The following SENP5 variants were observed in gnomAD, a reference collection of about 807,000 sequenced individuals.
SENP5 encodes SUMO specific peptidase 5.
Under a neutral mutation model 74.2 loss-of-function variants are expected in SENP5, and 21 were observed. The ratio of observed to expected loss-of-function variants is 0.28; its 90% CI spans 0.20 to 0.41. The LOEUF (loss-of-function observed/expected upper bound fraction) is 0.41, where lower values mean the gene tolerates loss of function less well. SENP5 is among the 10% of genes least tolerant of loss of function. The probability of loss-of-function intolerance (pLI) is 1.00; values close to 1 mark genes in which losing one functional copy is unlikely to be tolerated. For missense variants in SENP5, 717 were observed against 889.1 expected (o/e 0.81, Z 2.46); for synonymous variants, 311 against 312.7 (o/e 0.99, Z 0.06).
intron 2 of SENP5, among the ~76,000 whole-genome samples, chr3:196,895,957 T>G (rs2108830719): frequency 6.6e-6 from 1 of 152,366 alleles, no homozygotes; most frequent in East Asian, 1.9e-4. Context: ...CTTTGTTTCT[T>G]GGGTCACTTT....
intron 7 of SENP5, among the ~76,000 whole-genome samples, chr3:196,927,018 C>T (rs1004204714): frequency 1.3e-5 from 2 of 152,058 alleles, no homozygotes; most frequent in Non-Finnish European, 2.9e-5. Flanking sequence ...TGGAGAGAGA[C>T]GCACAGAGGT....
At position 196,927,846 on chromosome 3, in the gene SENP5, A is replaced by C. The variant is rs373914714; in HGVS notation, c.2073A>C (p.Glu691Asp). The change falls in exon 8 of 10, where the codon GAA (glutamate) becomes GAC (aspartate). Residue 691 changes from glutamate (E) to aspartate (D), a missense_variant. By Grantham distance (45) the Glu-to-Asp change is conservative. This residue lies in a region of SENP5 where 85 missense variants were observed against 188.9 expected (regional missense o/e 0.45). Coordinates refer to ENST00000323460, the MANE Select transcript of SENP5 (RefSeq NM_152699.5). ...AAGCCAGAGAAAAAAATAGACCTGA[A>C]TTTCTTCAGGGTTGGCAGACTGCTG... is the stretch of plus-strand genomic sequence containing the variant. Reference protein sequence around the residue: ...LTEAREKNRPEFLQGWQTAVT... With the variant: ...LTEAREKNRPDFLQGWQTAVT... The C allele has an allele frequency of 1.9e-6, 3 of 1,613,060 alleles. No homozygotes were observed. The highest frequency in any genetic ancestry group is 1.7e-4 in the Middle Eastern group (1 of 6,058).
intron 5 of SENP5, among the ~76,000 whole-genome samples, chr3:196,901,239 C>T (rs1252478365): frequency 6.6e-6 from 1 of 151,042 alleles, no homozygotes; most frequent in East Asian, 2.0e-4. Flanking sequence ...AGAGACAGGT[C>T]TTACCATGTT....
In SENP5 at chr3:196,908,982, AT is replaced by A. The variant is rs1715015231; in HGVS notation, c.1884+5378del. 2.0e-5 allele frequency among the ~76,000 whole-genome samples: 3 copies of A among 152,130 alleles called. No homozygotes were observed. In the South Asian group the frequency reaches 6.2e-4, roughly 32 times the overall value. Reference sequence around the variant, plus strand: ...AAAAATCAGTGAATCCAGGAGCTGGATTTTTTGAAAAAATTAACAAAAAATA... The same window carrying A: ...AAAAATCAGTGAATCCAGGAGCTGGATTTTTGAAAAAATTAACAAAAAATA... On this transcript the variant is annotated intron_variant, in intron 6 of 9. Coordinates refer to ENST00000323460, the MANE Select transcript of SENP5 (RefSeq NM_152699.5).
chr3:196,874,375 C>T, intron 1 of SENP5, among the ~76,000 whole-genome samples: 1 of 151,226 alleles, frequency 6.6e-6, no homozygotes. Flanking sequence ...GGTTTTTGTC[C>T]TTTCCATTGT....
At chr3:196,903,324 G>GA (rs1324815717) in intron 5 of SENP5, among the ~76,000 whole-genome samples, 1 of 152,112 alleles carries the variant, frequency 6.6e-6, no homozygotes, top group Non-Finnish European at 1.5e-5. Context: ...ATTTTTAGGA[G>GA]AGACAGTGTC....
chr3:196,918,552 C>A (rs7621273), intron 6 of SENP5, among the ~76,000 whole-genome samples: 100,177 of 151,638 alleles, frequency 0.66, 34,132 homozygotes, highest in Non-Finnish European at 0.75. Flanking sequence ...AGAAATAAAA[C>A]TATACTACCA....
intron 2 of SENP5, among the ~76,000 whole-genome samples, chr3:196,891,673 C>G (rs915179599): frequency 1.3e-5 from 2 of 152,162 alleles, no homozygotes; most frequent in Non-Finnish European, 2.9e-5. Flanking sequence ...GTGGTGCATG[C>G]CTGTAGTCCC....
Position 196,934,164 on chromosome 3 carries a change from C to CAA in SENP5, c.*3243_*3244dup, listed in dbSNP as rs1231781128. On this transcript the variant is annotated 3_prime_UTR_variant, in exon 10 of 10. Transcript: ENST00000323460. Reference sequence around the variant, plus strand: ...AAAAAAAGGTGCTGCCAGTCATCCCCAAATTATGTTTTTGGCTGTGCATTC... The same window carrying CAA: ...AAAAAAAGGTGCTGCCAGTCATCCCCAAAAATTATGTTTTTGGCTGTGCATTC... 1 of 152,200 alleles carries CAA rather than the reference C, an allele frequency of 6.6e-6. No homozygotes were observed. Among genetic ancestry groups the CAA allele is most frequent in the Non-Finnish European group, 1.5e-5 (1 of 68,048 alleles). The allele number at this position is 152,200 out of a possible 1,614,324, so 9.4% of individuals were successfully genotyped here.
Position 196,900,118 on chromosome 3 carries a change from A to G in SENP5, c.1758+56A>G. The G allele has an allele frequency of 3.2e-6, 5 of 1,567,088 alleles. No individual in the cohort carries two copies. The East Asian group carries it at 9.0e-5, about 28-fold the overall frequency. ...AAGTTGCAGAGGATGTTAGTCAATA[A>G]AATATAATCTCTAGTTTGGCTTCTC... On this transcript the variant is annotated intron_variant, in intron 4 of 9. Transcript: ENST00000323460.
chr3:196,882,203 CT>C (rs1010249573), intron 1 of SENP5, among the ~76,000 whole-genome samples: 1 of 150,598 alleles, frequency 6.6e-6, no homozygotes. Context: ...TCAGCCCCCT[CT>C]TTTTTTTTAA....
At chr3:196,907,485 TTA>T (rs1009633791) in intron 6 of SENP5, among the ~76,000 whole-genome samples, 5 of 151,510 alleles carry the variant, frequency 3.3e-5, no homozygotes, top group Non-Finnish European at 7.4e-5. Context: ...TGGAAGATGC[TTA>T]TATTCCATTT....
chr3:196,887,745 C>T (rs529178826), intron 2 of SENP5, among the ~76,000 whole-genome samples: 1 of 152,126 alleles, frequency 6.6e-6, no homozygotes, highest in South Asian at 2.1e-4. Context: ...TCAGTTCTTA[C>T]ATAGTAAAAC....
At chr3:196,890,447 A>G (rs1714152171) in intron 2 of SENP5, among the ~76,000 whole-genome samples, 1 of 152,208 alleles carries the variant, frequency 6.6e-6, no homozygotes, top group African/African-American at 2.4e-5. Context: ...TTGCAGTTTC[A>G]TAATTTTATT....
chr3:196,920,731 T>C (rs1458253730), intron 6 of SENP5, among the ~76,000 whole-genome samples: 1 of 152,234 alleles, frequency 6.6e-6, no homozygotes, highest in Admixed American at 6.5e-5. Flanking sequence ...TTTTCCTGCA[T>C]CTAAGCAGAT....
chr3:196,905,931 A>G (rs1161125424), intron 6 of SENP5, among the ~76,000 whole-genome samples: 1 of 152,174 alleles, frequency 6.6e-6, no homozygotes, highest in Non-Finnish European at 1.5e-5. Context: ...ACATACAAAA[A>G]GACATCACTT....
chr3:196,930,871 G>A lies in SENP5; in HGVS notation c.2216G>A (p.Arg739Gln), dbSNP rs143871189. 3.7e-5 allele frequency: 59 copies of A among 1,613,894 alleles called. No homozygotes were observed. Among genetic ancestry groups the A allele is most frequent in the Non-Finnish European group, 4.6e-5 (54 of 1,179,978 alleles). The change falls in exon 10 of 10, where the codon CGA (arginine) becomes CAA (glutamine). Residue 739 changes from arginine to glutamine, a missense_variant. Physicochemically the swap from Arg to Gln is conservative, Grantham distance 43 (BLOSUM62 1). This residue lies in a region of SENP5 where 85 missense variants were observed against 188.9 expected (regional missense o/e 0.45). Coordinates refer to ENST00000323460, the MANE Select transcript of SENP5 (RefSeq NM_152699.5). The stretch of plus-strand genomic sequence containing the variant: ...CAGTTTTCACAAGAAGACATGCCCC[G>A]AGTGCGGAAGAGGATTTACAAGGAG... ...PFQFSQEDMP[R>Q]VRKRIYKELC...
intron 6 of SENP5, 52 bp from the exon 7 acceptor site, chr3:196,923,362 G>T: frequency 6.5e-7 from 1 of 1,549,818 alleles, no homozygotes; most frequent in Non-Finnish European, 8.7e-7. Flanking sequence ...GGTTTTTGGT[G>T]GTTTGGATAG....
chr3:196,890,502 C>G (rs914171798), intron 2 of SENP5, among the ~76,000 whole-genome samples: 1 of 152,118 alleles, frequency 6.6e-6, no homozygotes, highest in Non-Finnish European at 1.5e-5. Context: ...GAAGAAAGCT[C>G]CTCCTTTGAA....
Sources: allele counts gnomAD v4.1 joint callset (sites outside exome capture counted in the v4.1 genomes callset), GRCh38; gene constraint gnomAD v4.1.1; regional missense constraint gnomAD v4.1.1; transcripts MANE v1.5; gene names NCBI Gene and HGNC (gene_info 2026-07-23, HGNC 2026-07-21).